Variants in EIF3L observed in about 807,000 individuals in gnomAD.
The protein encoded by EIF3L is eukaryotic translation initiation factor 3 subunit L.
Under a neutral mutation model 74.6 loss-of-function variants are expected in EIF3L, and 32 were observed. That is an observed-to-expected ratio of 0.43 (90% CI 0.32 to 0.58). EIF3L has a LOEUF of 0.58. Among genes scored for constraint, EIF3L ranks in the 20% least tolerant of loss-of-function variants. The pLI, the probability that EIF3L is intolerant of heterozygous loss-of-function variation, is 0.06. For missense variants in EIF3L, 474 were observed against 707.8 expected (o/e 0.67, Z 3.75); for synonymous variants, 256 against 254.4 (o/e 1.01, Z -0.06).
intron 11 of EIF3L, chr22:37,879,383 T>C (rs1926926664): frequency 6.6e-6 from 1 of 152,346 alleles, no homozygotes; most frequent in Non-Finnish European, 1.5e-5. Context: ...TAGTCCCAGC[T>C]ACCCGGGAGG....
chr22:37,883,313 A>AAAT (rs1278487374), intron 11 of EIF3L: 7 of 154,492 alleles, frequency 4.5e-5, no homozygotes, highest in Admixed American at 4.0e-4. Flanking sequence ...AAAAAAAAAA[A>AAAT]AAAAACTTGC....
chr22:37,870,256 A>T lies in EIF3L; in HGVS notation c.660A>T (p.Lys220Asn). ...TTGACTTTCTTCGTTCCAATCCCAA[A>T]ATCTGGAATGTTCATAGTGTCCTCA... ...EEIDFLRSNP[K>N]IWNVHSVLNV... The change falls in exon 8 of 13, where the codon AAA becomes AAT. Residue 220 changes from lysine (K) to asparagine (N), a missense_variant. Lys to Asn is a moderately conservative substitution (Grantham distance 94). This residue lies in a region of EIF3L where 293 missense variants were observed against 469.1 expected (regional missense o/e 0.62). Transcript: ENST00000652021. 6.2e-7 allele frequency: 1 copy of T among 1,614,014 alleles called. No individual in the cohort carries two copies. The highest frequency in any genetic ancestry group is 8.5e-7 in the Non-Finnish European group (1 of 1,179,950).
chr22:37,849,802 G>T lies in EIF3L; in HGVS notation c.34-213G>T. Reference sequence around the variant, plus strand: ...ATCTCGCTGATTCCCACAGCCTCTTGTCCTTTGCTCCACCTCATTGCACCC... The same window carrying T: ...ATCTCGCTGATTCCCACAGCCTCTTTTCCTTTGCTCCACCTCATTGCACCC... On this transcript the variant is annotated intron_variant, in intron 1 of 12. Transcript: ENST00000652021. 6.4e-6 allele frequency: 4 copies of T among 621,768 alleles called. No individual in the cohort carries two copies. In the East Asian group the frequency reaches 8.2e-5, roughly 13 times the overall value. 38.5% of individuals were successfully genotyped at this position (621,768 alleles called of 1,614,324 possible).
intron 4 of EIF3L, among the ~76,000 whole-genome samples, chr22:37,857,391 A>AAC (rs1925584813): frequency 6.6e-6 from 1 of 150,894 alleles, no homozygotes; most frequent in African/African-American, 2.4e-5. Context: ...AAAAAAAAAA[A>AAC]ACCAATATTA....
intron 1 of EIF3L, 66 bp downstream of exon 1, chr22:37,849,548 G>C: frequency 1.3e-6 from 2 of 1,508,952 alleles, no homozygotes; most frequent in East Asian, 4.8e-5. Context: ...CTGGATGTGG[G>C]TCCCGGCGCG....
rs574950466 is a variant in EIF3L at position 37,870,098 on chromosome 22, C to T, written c.580-78C>T. On this transcript the variant is annotated intron_variant, in intron 7 of 12. Coordinates refer to ENST00000652021, the MANE Select transcript of EIF3L (RefSeq NM_016091.4). ...GCCCCATCCAGAGCCAGAGCATTGCCTCGTTTTCAGCATTGTGGACATGGA... is the reference window on the plus strand; with the variant it reads ...GCCCCATCCAGAGCCAGAGCATTGCTTCGTTTTCAGCATTGTGGACATGGA... 9.7e-5 allele frequency: 131 copies of T among 1,350,994 alleles called. 1 individual carries two copies. The South Asian group carries it at 1.8e-3, about 18-fold the overall frequency. The allele number at this position is 1,350,994 out of a possible 1,614,324, so 83.7% of individuals were successfully genotyped here. A position where few individuals can be genotyped will look rare whatever the true frequency, so the allele number is the denominator to read the frequency against.
At chr22:37,879,043 A>C (rs1229635646) in intron 11 of EIF3L, 1 of 150,450 alleles carries the variant, frequency 6.6e-6, no homozygotes, top group Non-Finnish European at 1.5e-5. Flanking sequence ...TCCCAGGTTC[A>C]AGCAATTCTC....
rs759062483 is a variant in EIF3L at position 37,862,970 on chromosome 22, G to A, written c.437G>A (p.Gly146Glu). ...TGATATCTCTTGTTTTCTTTACAGGGGGGACCTTCCTTGGAGCAGAGGTTT... is the reference window on the plus strand; with the variant it reads ...TGATATCTCTTGTTTTCTTTACAGGAGGGACCTTCCTTGGAGCAGAGGTTT... ...YYRHIYAKVS[G>E]GPSLEQRFES... The change falls in exon 6 of 13, where the codon GGG (glycine) becomes GAG (glutamate). Residue 146 changes from glycine (G) to glutamate (E), a missense_variant and splice_region_variant. Gly to Glu is a moderately conservative substitution (Grantham distance 98, BLOSUM62 -2). This residue lies in a region of EIF3L where 141 missense variants were observed against 197.7 expected (regional missense o/e 0.71). Transcript: ENST00000652021. 1.9e-6 allele frequency: 3 copies of A among 1,609,580 alleles called. No homozygotes were observed. Among genetic ancestry groups the A allele is most frequent in the Admixed American group, 1.7e-5 (1 of 59,234 alleles).
At chr22:37,864,502 G>A (rs1485889961) in intron 7 of EIF3L, among the ~76,000 whole-genome samples, 1 of 150,888 alleles carries the variant, frequency 6.6e-6, no homozygotes, top group Admixed American at 6.6e-5. Flanking sequence ...GTGTAGCCTG[G>A]GGGTAAAAGT....
rs1317840097 is a variant in EIF3L, at chr22:37,888,675, A to G, written c.*211A>G. 6 of 582,684 alleles carry G rather than the reference A, an allele frequency of 1.0e-5. No individual in the cohort carries two copies. Among genetic ancestry groups the G allele is most frequent in the Non-Finnish European group, 1.8e-5 (6 of 327,088 alleles). 36.1% of individuals were successfully genotyped at this position (582,684 alleles called of 1,614,324 possible). Reference sequence around the variant, plus strand: ...TAGGAGAGAATTTGTGGGTTGTGGCAGTAATACATTTCCCATGTGTCCTGA... The same window carrying G: ...TAGGAGAGAATTTGTGGGTTGTGGCGGTAATACATTTCCCATGTGTCCTGA... On this transcript the variant is annotated 3_prime_UTR_variant, in exon 13 of 13. Transcript: ENST00000652021.
chr22:37,887,320 GAA>G (rs200323270), intron 12 of EIF3L: 2,450 of 148,632 alleles, frequency 0.016, 69 homozygotes, highest in African/African-American at 0.058. Flanking sequence ...AAAAAAAAAA[GAA>G]AAAGAGGCCA....
At chr22:37,868,544 C>A (rs1926291306) in intron 7 of EIF3L, among the ~76,000 whole-genome samples, 1 of 151,462 alleles carries the variant, frequency 6.6e-6, no homozygotes, top group African/African-American at 2.4e-5. Context: ...ACCTCTGCCT[C>A]CCAGGTTCAA....
chr22:37,886,782 G>A lies in EIF3L; in HGVS notation c.1593G>A (p.Ala531=), dbSNP rs149870962. The A allele has an allele frequency of 1.2e-4, 192 of 1,610,258 alleles. No individual in the cohort carries two copies. The highest frequency in any genetic ancestry group is 1.5e-4 in the Non-Finnish European group (180 of 1,177,638). The change falls in exon 12 of 13, where the codon GCG becomes GCA. Residue 531 remains alanine, a synonymous_variant. Transcript: ENST00000652021. ...FYIDKDMIHI[A]DTKVARRYGD... is the part of the protein sequence containing the mutation. ...CCCCACAGGACATGATCCACATCGC[G>A]GACACCAAGGTCGCCAGGCGTTATG...
chr22:37,853,832 T>C (rs549412812), intron 3 of EIF3L, among the ~76,000 whole-genome samples: 16 of 152,356 alleles, frequency 1.1e-4, no homozygotes, highest in African/African-American at 3.1e-4. Flanking sequence ...ATAGAGTTTA[T>C]GACTGGAAAA....
chr22:37,888,578 G>A lies in EIF3L; in HGVS notation c.*114G>A. 1 of 1,101,806 alleles carries A rather than the reference G, an allele frequency of 9.1e-7. No homozygotes were observed. The highest frequency in any genetic ancestry group is 1.4e-5 in the South Asian group (1 of 74,072). The allele number at this position is 1,101,806 out of a possible 1,614,324, so 68.3% of individuals were successfully genotyped here. ...ATCAGCCTGTCAACTCAGTTAACAA[G>A]TTAAGGACCGAAGTGTTTCAAGTGG... On this transcript the variant is annotated 3_prime_UTR_variant, in exon 13 of 13. Coordinates refer to ENST00000652021, the MANE Select transcript of EIF3L (RefSeq NM_016091.4).
chr22:37,886,666 T>C, intron 11 of EIF3L, 99 bp from the exon 12 acceptor site: 1 of 928,506 alleles, frequency 1.1e-6, no homozygotes, highest in East Asian at 2.7e-5. Flanking sequence ...CATCTAACAC[T>C]CACCATCATT....
chr22:37,858,522 G>A, intron 4 of EIF3L, 157 bp from the exon 5 acceptor site: 1 of 695,906 alleles, frequency 1.4e-6, no homozygotes, highest in South Asian at 1.7e-5. Context: ...ATGAGAAGTG[G>A]ATTTTCTCAT....
rs767058832 is a variant in EIF3L, at chr22:37,875,899, C to G, written c.965C>G (p.Ala322Gly). 1 of 1,614,056 alleles carries G rather than the reference C, an allele frequency of 6.2e-7. No individual in the cohort carries two copies. Among genetic ancestry groups the G allele is most frequent in the Non-Finnish European group, 8.5e-7 (1 of 1,180,012 alleles). ...QVTTYYYVGF[A>G]YLMMRRYQDA... is the part of the protein sequence containing the mutation. ...ACCACATACTATTATGTTGGGTTTG[C>G]ATATTTGATGATGCGTCGTTACCAG... Residue 322 changes from alanine to glycine, a missense_variant, in exon 10 of 13, where the codon GCA (alanine) becomes GGA (glycine). By Grantham distance (60) the Ala-to-Gly change is moderately conservative. Transcript: ENST00000652021.
intron 7 of EIF3L, among the ~76,000 whole-genome samples, chr22:37,867,556 G>T (rs886772614): frequency 6.6e-6 from 1 of 150,720 alleles, no homozygotes; most frequent in Admixed American, 6.7e-5. Context: ...CTACTCAGCA[G>T]CTGAGGGATG....
Sources: allele counts gnomAD v4.1 joint callset (sites outside exome capture counted in the v4.1 genomes callset), GRCh38; gene constraint gnomAD v4.1.1; regional missense constraint gnomAD v4.1.1; transcripts MANE v1.5; gene names NCBI Gene and HGNC (gene_info 2026-07-23, HGNC 2026-07-21).